The following TMEM184B variants were observed in gnomAD, a reference collection of about 807,000 sequenced individuals.
TMEM184B encodes the protein putative MAPK-activating protein FM08.
A neutral mutation model predicts 41.8 loss-of-function variants in TMEM184B; 17 were observed. The observed-to-expected ratio is 0.41, with a 90% CI of 0.28 to 0.61. TMEM184B has a LOEUF of 0.61. Ranked by LOEUF, TMEM184B falls within the 20% of genes least tolerant of loss-of-function variation. The probability of loss-of-function intolerance (pLI) is 0.34; values close to 1 mark genes in which losing one functional copy is unlikely to be tolerated. For synonymous variants in TMEM184B, 240 were observed against 229.5 expected, an observed-to-expected ratio of 1.05 and a Z score of -0.41; for missense variants, 393 against 557.8, an observed-to-expected ratio of 0.70 and a Z score of 2.98.
chr22:38,268,887 C>T (rs1316084852), intron 1 of TMEM184B, among the ~76,000 whole-genome samples: 7 of 152,254 alleles, frequency 4.6e-5, no homozygotes, highest in Admixed American at 4.6e-4. Flanking sequence ...CACAGGCCTG[C>T]GATGCCTCCT....
rs553268774 is a variant in TMEM184B at position 38,236,466 on chromosome 22, T to C, written c.359-5132A>G. Among the ~76,000 whole-genome samples, 266 of 152,050 alleles carry C rather than the reference T, an allele frequency of 1.7e-3. 2 individuals are homozygous for C. Among genetic ancestry groups the C allele is most frequent in the African/African-American group, 6.3e-3 (261 of 41,500 alleles). On this transcript the variant is annotated intron_variant, in intron 3 of 8. Transcript: ENST00000361906. Reference sequence around the variant, plus strand: ...GGACTGCAGCTCAATATACTCAATATACGAAACCATTTCCTTTTTTTGTTT... The same window carrying C: ...GGACTGCAGCTCAATATACTCAATACACGAAACCATTTCCTTTTTTTGTTT...
At chr22:38,216,549 T>TTAA (rs2091152504), downstream of TMEM184B, 1 of 165,166 alleles carries the variant, frequency 6.1e-6, no homozygotes, top group African/African-American at 2.4e-5. Flanking sequence ...GAGGGGTGTC[T>TTAA]AAAATGGGGT....
intron 1 of TMEM184B, among the ~76,000 whole-genome samples, chr22:38,266,387 G>T: frequency 6.6e-6 from 1 of 152,242 alleles, no homozygotes; most frequent in East Asian, 1.9e-4. Flanking sequence ...GACAGGGTAC[G>T]AATAGCGCCC....
At chr22:38,263,367 A>G (rs375778166) in intron 1 of TMEM184B, among the ~76,000 whole-genome samples, 1 of 152,188 alleles carries the variant, frequency 6.6e-6, no homozygotes, top group East Asian at 1.9e-4. Context: ...ATAGACAAGC[A>G]AAGACACTTT....
rs1019137589 is a variant in TMEM184B at position 38,221,247 on chromosome 22, G to A, written c.*222C>T. 7.8e-6 allele frequency: 11 copies of A among 1,404,974 alleles called. No individual in the cohort carries two copies. Among genetic ancestry groups the A allele is most frequent in the South Asian group, 1.6e-5 (1 of 62,442 alleles). 87.0% of individuals were successfully genotyped at this position (1,404,974 alleles called of 1,614,324 possible). ...CTCCCAGTGTCCTCTGCCCTCGCCC[G>A]GGCAGTGCAGGCTGGGCCATGTATA... On this transcript the variant is annotated 3_prime_UTR_variant, in exon 9 of 9. Transcript: ENST00000361906.
At chr22:38,268,380 A>AC (rs979408284) in intron 1 of TMEM184B, among the ~76,000 whole-genome samples, 5 of 151,534 alleles carry the variant, frequency 3.3e-5, no homozygotes, top group Non-Finnish European at 5.9e-5. Flanking sequence ...GTCTCAAAAA[A>AC]AAAAAAAAAA....
At chr22:38,217,785 C>G (rs1460196063), downstream of TMEM184B, among the ~76,000 whole-genome samples, 1 of 147,552 alleles carries the variant, frequency 6.8e-6, no homozygotes, top group Non-Finnish European at 1.5e-5. Context: ...AAGCTGAGAT[C>G]GCGCCACTGC....
chr22:38,263,812 GT>G (rs1200514895), intron 1 of TMEM184B, among the ~76,000 whole-genome samples: 1 of 152,150 alleles, frequency 6.6e-6, no homozygotes, highest in African/African-American at 2.4e-5. Flanking sequence ...GTAGGTTTCT[GT>G]TTGTTTTTTG....
At chr22:38,228,030 G>A (rs1056968685) in intron 5 of TMEM184B, among the ~76,000 whole-genome samples, 1 of 152,188 alleles carries the variant, frequency 6.6e-6, no homozygotes, top group African/African-American at 2.4e-5. Context: ...GGAGCCTGGA[G>A]TGGGAACCGT....
intron 3 of TMEM184B, among the ~76,000 whole-genome samples, chr22:38,242,655 G>C (rs146006483): frequency 1.1e-4 from 17 of 152,192 alleles, no homozygotes; most frequent in Non-Finnish European, 1.9e-4. Flanking sequence ...CAAGGATCGG[G>C]GGGGACTGCC....
In TMEM184B at chr22:38,221,652, G is replaced by A. The variant is rs763440256; in HGVS notation, c.1041C>T (p.His347=). Residue 347 remains histidine, a synonymous_variant, in exon 9 of 9, where the codon CAC becomes CAT. Transcript: ENST00000361906. The part of the protein sequence containing the change: ...SSSLKETMNP[H]DIVQDAIHNF... ...TGTGGATGGCGTCCTGCACGATGTC[G>A]TGCGGGTTCATGGTCTCCTTGAGGC... 7.4e-6 allele frequency: 12 copies of A among 1,614,026 alleles called. No homozygotes were observed. The highest frequency in any genetic ancestry group is 4.5e-5 in the East Asian group (2 of 44,884).
rs1466878395 is a variant in TMEM184B, at chr22:38,271,172, T to G, written c.-59+1712A>C. 2.6e-4 allele frequency among the ~76,000 whole-genome samples: 39 copies of G among 152,178 alleles called. 1 individual carries two copies. Among genetic ancestry groups the G allele is most frequent in the Admixed American group, 2.6e-3 (39 of 15,270 alleles). On this transcript the variant is annotated intron_variant, in intron 1 of 8. Coordinates refer to ENST00000361906, the MANE Select transcript of TMEM184B (RefSeq NM_012264.5). ...TAGCTATTGGAGCCTCGTATCCAGA[T>G]TGGGGTCACTAAATCAGTGTCCATC...
chr22:38,266,445 A>G (rs2145784169), intron 1 of TMEM184B, among the ~76,000 whole-genome samples: 1 of 152,376 alleles, frequency 6.6e-6, no homozygotes, highest in Admixed American at 6.5e-5. Flanking sequence ...GGCTTGCCCA[A>G]GGTCACAGCT....
At chr22:38,252,289 G>C (rs536031294) in intron 1 of TMEM184B, among the ~76,000 whole-genome samples, 2 of 152,122 alleles carry the variant, frequency 1.3e-5, no homozygotes, top group Non-Finnish European at 2.9e-5. Flanking sequence ...TCGAGCTCCT[G>C]GGCTCAAGCG....
At chr22:38,266,118 C>A (rs996857969) in intron 1 of TMEM184B, among the ~76,000 whole-genome samples, 71 of 152,206 alleles carry the variant, frequency 4.7e-4, no homozygotes, top group Non-Finnish European at 2.2e-4. Flanking sequence ...TGCACCCCCT[C>A]TGTTGGGGAG....
intron 1 of TMEM184B, among the ~76,000 whole-genome samples, chr22:38,268,289 G>A (rs2092472237): frequency 6.6e-6 from 1 of 151,186 alleles, no homozygotes; most frequent in Non-Finnish European, 1.5e-5. Flanking sequence ...GCTGAGGCAC[G>A]AGAATCACCC....
chr22:38,221,229 T>A lies in TMEM184B; in HGVS notation c.*240A>T. ...GCAGGGGCATAAGCCTTGCTCCCAG[T>A]GTCCTCTGCCCTCGCCCGGGCAGTG... On this transcript the variant is annotated 3_prime_UTR_variant, in exon 9 of 9. Coordinates refer to ENST00000361906, the MANE Select transcript of TMEM184B (RefSeq NM_012264.5). 1 of 1,373,686 alleles carries A rather than the reference T, an allele frequency of 7.3e-7. No individual in the cohort carries two copies. 85.1% of individuals were successfully genotyped at this position (1,373,686 alleles called of 1,614,324 possible).
At chr22:38,244,173 G>C (rs2091974530) in intron 3 of TMEM184B, among the ~76,000 whole-genome samples, 1 of 152,100 alleles carries the variant, frequency 6.6e-6, no homozygotes, top group South Asian at 2.1e-4. Flanking sequence ...GGCATTTCCT[G>C]TGCCCTATGA....
chr22:38,259,049 C>T (rs556010055), intron 1 of TMEM184B, among the ~76,000 whole-genome samples: 2 of 152,298 alleles, frequency 1.3e-5, no homozygotes, highest in Admixed American at 1.3e-4. Flanking sequence ...GACTGCCCCA[C>T]CTCCCTCCTC....
Sources: allele counts gnomAD v4.1 joint callset (sites outside exome capture counted in the v4.1 genomes callset), GRCh38; gene constraint gnomAD v4.1.1; transcripts MANE v1.5; gene names NCBI Gene and HGNC (gene_info 2026-07-23, HGNC 2026-07-21).